Variants in TMEM217B observed in about 807,000 individuals in gnomAD.
TMEM217B encodes the protein transmembrane protein 217B.
the TMEM217B span, chr6:37,258,044 C>T: frequency 6.5e-7 from 1 of 1,543,078 alleles, no homozygotes; most frequent in Non-Finnish European, 8.8e-7. Flanking sequence ...CTGAATCCCG[C>T]GGGCCTGGGG....
chr6:37,214,359 C>G, the TMEM217B span, among the ~76,000 whole-genome samples: 1 of 152,088 alleles, frequency 6.6e-6, no homozygotes, highest in African/African-American at 2.4e-5. Flanking sequence ...TCCCAAGTAG[C>G]TGGGATTACA....
chr6:37,232,513 C>T, the TMEM217B span, among the ~76,000 whole-genome samples: 1 of 152,062 alleles, frequency 6.6e-6, no homozygotes, highest in Non-Finnish European at 1.5e-5. Flanking sequence ...AGCCTCCTGA[C>T]AATAGTTTTA....
chr6:37,218,318 G>A, the TMEM217B span: 1 of 1,148,842 alleles, frequency 8.7e-7, no homozygotes. Flanking sequence ...ACAGGTGTGT[G>A]CCGCCACGCC....
chr6:37,227,213 G>A, the TMEM217B span, among the ~76,000 whole-genome samples: 2 of 152,154 alleles, frequency 1.3e-5, no homozygotes, highest in African/African-American at 2.4e-5. Context: ...GGAAGGCCTC[G>A]ACTAGAGTAA....
the TMEM217B span, among the ~76,000 whole-genome samples, chr6:37,222,160 A>G: frequency 1.3e-5 from 2 of 152,212 alleles, no homozygotes; most frequent in Non-Finnish European, 2.9e-5. Context: ...AGATTGGTAC[A>G]TCGGGGGCCA....
At chr6:37,221,410 C>T in the TMEM217B span, among the ~76,000 whole-genome samples, 2 of 152,144 alleles carry the variant, frequency 1.3e-5, no homozygotes, top group Non-Finnish European at 2.9e-5. Flanking sequence ...TGGTCTCAAA[C>T]TCCTGACCTC....
the TMEM217B span, among the ~76,000 whole-genome samples, chr6:37,252,224 T>A: frequency 6.6e-6 from 1 of 152,186 alleles, no homozygotes; most frequent in African/African-American, 2.4e-5. Flanking sequence ...GTTGAAAAAC[T>A]TGAAAGAAGA....
At chr6:37,255,080 C>A in the TMEM217B span, among the ~76,000 whole-genome samples, 2 of 152,148 alleles carry the variant, frequency 1.3e-5, no homozygotes, top group Non-Finnish European at 2.9e-5. Context: ...TCCTGCTGTG[C>A]GGCCTGGTTC....
the TMEM217B span, among the ~76,000 whole-genome samples, chr6:37,245,686 GAGGAGGAGC>G: frequency 6.6e-6 from 1 of 152,192 alleles, no homozygotes; most frequent in South Asian, 2.1e-4. Flanking sequence ...CAATAAGGAA[GAGGAGGAGC>G]AGGAGGAGGA....
At chr6:37,244,808 C>G in the TMEM217B span, among the ~76,000 whole-genome samples, 2 of 152,182 alleles carry the variant, frequency 1.3e-5, no homozygotes, top group African/African-American at 4.8e-5. Flanking sequence ...CAGCTGGACT[C>G]GCTCAAGTGT....
the TMEM217B span, among the ~76,000 whole-genome samples, chr6:37,251,259 A>T: frequency 6.6e-6 from 1 of 151,634 alleles, no homozygotes; most frequent in African/African-American, 2.4e-5. Context: ...CACATCTCAC[A>T]TATGGGAATG....
the TMEM217B span, among the ~76,000 whole-genome samples, chr6:37,224,458 C>T: frequency 0.02 from 3,060 of 150,358 alleles, 100 homozygotes; most frequent in African/African-American, 0.068. Context: ...ATTAGCCGGG[C>T]GTGGTGGCGG....
the TMEM217B span, among the ~76,000 whole-genome samples, chr6:37,233,990 AT>A: frequency 6.6e-6 from 1 of 151,856 alleles, no homozygotes; most frequent in African/African-American, 2.4e-5. Context: ...TAGTCTTTGT[AT>A]TTTTTTATTA....
At chr6:37,252,489 TAC>T in the TMEM217B span, among the ~76,000 whole-genome samples, 1 of 151,276 alleles carries the variant, frequency 6.6e-6, no homozygotes, top group Non-Finnish European at 1.5e-5. Flanking sequence ...AACATACATA[TAC>T]ATGTATGCAT....
At chr6:37,218,107 T>C in the TMEM217B span, 1 of 1,037,822 alleles carries the variant, frequency 9.6e-7, no homozygotes, top group Non-Finnish European at 1.2e-6. Context: ...CTGAGAGACC[T>C]ACCTCTTATG....
At chr6:37,231,849 A>G in the TMEM217B span, among the ~76,000 whole-genome samples, 1 of 149,640 alleles carries the variant, frequency 6.7e-6, no homozygotes, top group Non-Finnish European at 1.5e-5. Context: ...TTTTCTTCCC[A>G]CTTTCAGACC....
the TMEM217B span, among the ~76,000 whole-genome samples, chr6:37,229,335 G>GC: frequency 1.3e-5 from 1 of 74,368 alleles, no homozygotes; most frequent in African/African-American, 5.3e-5. Flanking sequence ...GCAACTTTCA[G>GC]TTTTTTTTTT....
At chr6:37,218,302 G>A in the TMEM217B span, 86 of 1,175,594 alleles carry the variant, frequency 7.3e-5, no homozygotes, top group South Asian at 1.3e-3. Flanking sequence ...TCAAGTGGCT[G>A]GGATTACAGG....
chr6:37,232,248 T>C, the TMEM217B span, among the ~76,000 whole-genome samples: 1 of 152,228 alleles, frequency 6.6e-6, no homozygotes, highest in African/African-American at 2.4e-5. Context: ...CAGAATAACA[T>C]GCTGAAATAG....
Sources: allele counts gnomAD v4.1 joint callset (sites outside exome capture counted in the v4.1 genomes callset), GRCh38; gene constraint gnomAD v4.1.1; transcripts MANE v1.5; gene names NCBI Gene and HGNC (gene_info 2026-07-23, HGNC 2026-07-21).